The following DAND5 variants were observed in gnomAD, a reference collection of about 807,000 sequenced individuals.
DAND5 encodes DAN domain BMP antagonist family member 5.
DAND5 carries 8 observed loss-of-function variants against 9.2 expected under a neutral mutation model. The ratio of observed to expected loss-of-function variants is 0.87; its 90% CI spans 0.51 to 1.56. DAND5 has a LOEUF of 1.56. Ranked by LOEUF, DAND5 falls within the 40% of genes most tolerant of loss-of-function variation. The probability of loss-of-function intolerance (pLI) is 0.00; values close to 1 mark genes in which losing one functional copy is unlikely to be tolerated. For missense variants in DAND5, 244 were observed against 244.7 expected (o/e 1.00, Z 0.02); for synonymous variants, 95 against 101.1 (o/e 0.94, Z 0.36).
rs74974698 is a variant in DAND5, at chr19:12,970,239, C to G, written c.324+255C>G. Among the ~76,000 whole-genome samples the G allele has an allele frequency of 0.017, 2,622 of 151,996 alleles. 85 individuals are homozygous for G. The highest frequency in any genetic ancestry group is 0.06 in the African/African-American group (2,470 of 41,436). Reference sequence around the variant, plus strand: ...AGAGGGTGCCTGTGAACACCAGAGTCAGATCTGGTTCCCCCTCCCCCTAGA... The same window carrying G: ...AGAGGGTGCCTGTGAACACCAGAGTGAGATCTGGTTCCCCCTCCCCCTAGA... On this transcript the variant is annotated intron_variant, in intron 1 of 1. Coordinates refer to ENST00000317060, the MANE Select transcript of DAND5 (RefSeq NM_152654.3).
At chr19:12,971,222 A>G (rs2146064440) in intron 1 of DAND5, among the ~76,000 whole-genome samples, 1 of 152,142 alleles carries the variant, frequency 6.6e-6, no homozygotes, top group South Asian at 2.1e-4. Flanking sequence ...TCATCAGGCC[A>G]TCTTATCATC....
chr19:12,971,366 C>G (rs904092177), intron 1 of DAND5, among the ~76,000 whole-genome samples: 1 of 152,012 alleles, frequency 6.6e-6, no homozygotes, highest in Non-Finnish European at 1.5e-5. Flanking sequence ...GCAACCTCCG[C>G]CTCCCGGGTT....
In DAND5 at chr19:12,974,123, AT is replaced by A. The variant is rs560501393; in HGVS notation, c.*501del. On this transcript the variant is annotated 3_prime_UTR_variant, in exon 2 of 2. Transcript: ENST00000317060. ...GTGATCTGCCTGCCTTGGCCTTATT[AT>A]TTTTTTTTTTTAAGGACAGAGTCTC... 445 of 111,798 alleles carry A rather than the reference AT, an allele frequency of 4.0e-3. No individual in the cohort carries two copies. The highest frequency in any genetic ancestry group is 9.0e-3 in the South Asian group (37 of 4,098). 6.9% of individuals were successfully genotyped at this position (111,798 alleles called of 1,614,324 possible).
chr19:12,970,912 C>T (rs905592328), intron 1 of DAND5, among the ~76,000 whole-genome samples: 3 of 152,190 alleles, frequency 2.0e-5, no homozygotes, highest in Non-Finnish European at 4.4e-5. Context: ...AACTCCTGAC[C>T]TCAGGTGACC....
intron 1 of DAND5, among the ~76,000 whole-genome samples, chr19:12,971,355 T>C (rs2011144733): frequency 6.6e-6 from 1 of 152,118 alleles, no homozygotes; most frequent in Non-Finnish European, 1.5e-5. Context: ...CTCAGCTCAC[T>C]GCAACCTCCG....
intron 1 of DAND5, chr19:12,970,599 T>C: frequency 2.1e-6 from 1 of 468,992 alleles, no homozygotes. Flanking sequence ...TTTCTTTTTC[T>C]CTTTCTTTCT....
In DAND5 at chr19:12,973,684, G is replaced by A. The variant is rs1332999482; in HGVS notation, c.*50G>A. The stretch of plus-strand genomic sequence containing the variant: ...GGAGACACGCACCTTGGAGAAATGA[G>A]GGGAGATGGACCAAGAAAGACGTGG... On this transcript the variant is annotated 3_prime_UTR_variant, in exon 2 of 2. Transcript: ENST00000317060. The A allele has an allele frequency of 6.3e-7, 1 of 1,585,206 alleles. No individual in the cohort carries two copies. The highest frequency in any genetic ancestry group is 2.2e-5 in the East Asian group (1 of 44,652).
chr19:12,973,535 C>G lies in DAND5; in HGVS notation c.471C>G (p.Pro157=), dbSNP rs751930538. The G allele has an allele frequency of 2.5e-6, 4 of 1,614,184 alleles. No individual in the cohort carries two copies. The highest frequency in any genetic ancestry group is 3.4e-6 in the Non-Finnish European group (4 of 1,180,042). The change falls in exon 2 of 2, where the codon CCC becomes CCG. Residue 157 remains proline (P), a synonymous_variant. Coordinates refer to ENST00000317060, the MANE Select transcript of DAND5 (RefSeq NM_152654.3). ...TGCCTGCTCGCAAGCGTTGGGCACCCGTGGTCCTGTGGTGTCTCACTGGCA... is the reference window on the plus strand; with the variant it reads ...TGCCTGCTCGCAAGCGTTGGGCACCGGTGGTCCTGTGGTGTCTCACTGGCA... The part of the protein sequence containing the change: ...SCMPARKRWA[P]VVLWCLTGSS...
At chr19:12,970,730 G>A (rs1426608121) in intron 1 of DAND5, among the ~76,000 whole-genome samples, 1 of 149,740 alleles carries the variant, frequency 6.7e-6, no homozygotes, top group Non-Finnish European at 1.5e-5. Context: ...ACCCAGACTA[G>A]AGGGCAGCAG....
chr19:12,970,606 T>G (rs955642991), intron 1 of DAND5: 1 of 485,988 alleles, frequency 2.1e-6, no homozygotes, highest in Non-Finnish European at 3.6e-6. Flanking sequence ...TTCTCTTTCT[T>G]TCTTTCTTTT....
chr19:12,972,426 T>G (rs1469982334), intron 1 of DAND5, among the ~76,000 whole-genome samples: 2 of 151,998 alleles, frequency 1.3e-5, no homozygotes, highest in Non-Finnish European at 2.9e-5. Flanking sequence ...CCCAGGCTGG[T>G]CTCAAGCCAC....
At position 12,969,697 on chromosome 19, in the gene DAND5, CT is replaced by C. The variant is rs763197681; in HGVS notation, c.39del (p.Ser14AlafsTer74). 6 of 1,607,506 alleles carry C rather than the reference CT, an allele frequency of 3.7e-6. No individual in the cohort carries two copies. Among genetic ancestry groups the C allele is most frequent in the Non-Finnish European group, 5.1e-6 (6 of 1,177,160 alleles). On this transcript the variant is annotated frameshift_variant, in exon 1 of 2. Coordinates refer to ENST00000317060, the MANE Select transcript of DAND5 (RefSeq NM_152654.3). LOFTEE classifies it high-confidence loss of function. ...CCAGCTATCCACTCTTCTGTGCCTG[CT>C]TAGCGGGGCCCTGCCTACAGGCTCA... ...LGQLSTLLCL[L>X]SGALPTGSGR...
chr19:12,971,609 T>C (rs2011145783), intron 1 of DAND5, among the ~76,000 whole-genome samples: 1 of 151,114 alleles, frequency 6.6e-6, no homozygotes, highest in African/African-American at 2.4e-5. Context: ...TTTTGTTTTT[T>C]GAGACAGAGT....
In DAND5 at chr19:12,973,513, C is replaced by T. The variant is rs1361264784; in HGVS notation, c.449C>T (p.Pro150Leu). The T allele has an allele frequency of 1.2e-6, 2 of 1,614,218 alleles. No homozygotes were observed. Among genetic ancestry groups the T allele is most frequent in the Non-Finnish European group, 1.7e-6 (2 of 1,180,044 alleles). Residue 150 changes from proline (P) to leucine (L), a missense_variant, in exon 2 of 2, where the codon CCT becomes CTT. Physicochemically the swap from Pro to Leu is moderately conservative, Grantham distance 98. Transcript: ENST00000317060. Reference sequence around the variant, plus strand: ...CTAGTCCTGTGCAACAGCTGTATGCCTGCTCGCAAGCGTTGGGCACCCGTG... The same window carrying T: ...CTAGTCCTGTGCAACAGCTGTATGCTTGCTCGCAAGCGTTGGGCACCCGTG... The part of the protein sequence containing the change: ...TPLVLCNSCM[P>L]ARKRWAPVVL...
At chr19:12,972,218 C>T (rs1042811096) in intron 1 of DAND5, among the ~76,000 whole-genome samples, 5 of 152,028 alleles carry the variant, frequency 3.3e-5, no homozygotes, top group Non-Finnish European at 7.4e-5. Context: ...ACCACCACGC[C>T]TGGCTAATTT....
At chr19:12,972,574 G>A (rs527402139) in intron 1 of DAND5, among the ~76,000 whole-genome samples, 13 of 152,046 alleles carry the variant, frequency 8.6e-5, no homozygotes, top group East Asian at 1.9e-4. Context: ...ACAGAGTCTC[G>A]CTCTGTTACC....
chr19:12,973,130 G>T (rs1464203706), intron 1 of DAND5, among the ~76,000 whole-genome samples: 1 of 152,132 alleles, frequency 6.6e-6, no homozygotes, highest in Non-Finnish European at 1.5e-5. Context: ...CCAAAGTGCT[G>T]GGATTACAGG....
chr19:12,969,667 C>T lies in DAND5; in HGVS notation c.7C>T (p.Leu3Phe). 3 of 1,603,094 alleles carry T rather than the reference C, an allele frequency of 1.9e-6. No homozygotes were observed. The highest frequency in any genetic ancestry group is 2.6e-6 in the Non-Finnish European group (3 of 1,175,184). The part of the protein sequence containing the change: ML[L>F]GQLSTLLCLL... Reference sequence around the variant, plus strand: ...CAGACGCACGGACAAGCAGATGCTCCTTGGCCAGCTATCCACTCTTCTGTG... The same window carrying T: ...CAGACGCACGGACAAGCAGATGCTCTTTGGCCAGCTATCCACTCTTCTGTG... Residue 3 changes from leucine to phenylalanine, a missense_variant, in exon 1 of 2, where the codon CTT becomes TTT. By Grantham distance (22) the Leu-to-Phe change is conservative. Transcript: ENST00000317060.
At chr19:12,970,190 A>T (rs1320172888) in intron 1 of DAND5, among the ~76,000 whole-genome samples, 2 of 147,390 alleles carry the variant, frequency 1.4e-5, no homozygotes, top group Non-Finnish European at 3.0e-5. Context: ...TCCACCCCCC[A>T]GTCTATTTTT....
Sources: allele counts gnomAD v4.1 joint callset (sites outside exome capture counted in the v4.1 genomes callset), GRCh38; gene constraint gnomAD v4.1.1; transcripts MANE v1.5; gene names NCBI Gene and HGNC (gene_info 2026-07-23, HGNC 2026-07-21).